The following TAF1D variants were observed in gnomAD, a reference collection of about 807,000 sequenced individuals.
TAF1D encodes the protein TATA box-binding protein-associated factor RNA polymerase I subunit D.
In TAF1D, 23 loss-of-function variants were observed where a neutral mutation model predicts 26.2. The ratio of observed to expected loss-of-function variants is 0.88; its 90% CI spans 0.63 to 1.25. The LOEUF (loss-of-function observed/expected upper bound fraction) is 1.25. Among genes scored for constraint, TAF1D ranks in the 50% most tolerant of loss-of-function variants. The pLI is 0.00. For missense variants in TAF1D, 299 were observed against 322.0 expected, an observed-to-expected ratio of 0.93 and a Z score of 0.55; for synonymous variants, 100 against 105.6, an observed-to-expected ratio of 0.95 and a Z score of 0.33.
chr11:93,737,362 C>T, intron 3 of TAF1D, 123 bp from the exon 4 acceptor site: 1 of 593,254 alleles, frequency 1.7e-6, no homozygotes, highest in Non-Finnish European at 2.9e-6. Context: ...CTTAACTACT[C>T]CCCACTTGTG....
downstream of TAF1D, chr11:93,732,368 T>G (rs1939335294): frequency 3.9e-6 from 2 of 518,718 alleles, no homozygotes; most frequent in Non-Finnish European, 7.7e-6. Flanking sequence ...AAATACTGTA[T>G]CAGTAGAAAT....
At chr11:93,731,432 A>G (rs1271995736), downstream of TAF1D, 9 of 506,234 alleles carry the variant, frequency 1.8e-5, no homozygotes, top group Admixed American at 8.1e-5. Context: ...CTCTATGATC[A>G]TGTTTCTGGT....
chr11:93,735,572 G>A lies in TAF1D; in HGVS notation c.*589C>T, dbSNP rs892261308. Reference sequence around the variant, plus strand: ...TGTAATCCCAGCTACTAAGGAGGCTGAGGCAGAATCGCTTGAACCCGGGAG... The same window carrying A: ...TGTAATCCCAGCTACTAAGGAGGCTAAGGCAGAATCGCTTGAACCCGGGAG... On this transcript the variant is annotated 3_prime_UTR_variant, in exon 6 of 6. Transcript: ENST00000448108. 9.9e-6 allele frequency: 6 copies of A among 604,484 alleles called. No homozygotes were observed. Among genetic ancestry groups the A allele is most frequent in the South Asian group, 6.6e-5 (1 of 15,266 alleles). 37.4% of individuals were successfully genotyped at this position (604,484 alleles called of 1,614,324 possible). A position where few individuals can be genotyped will look rare whatever the true frequency, so the allele number is the denominator to read the frequency against.
At chr11:93,731,085 C>T (rs778702647), downstream of TAF1D, 3 of 518,402 alleles carry the variant, frequency 5.8e-6, no homozygotes, top group Non-Finnish European at 1.2e-5. Flanking sequence ...ATTCTAAAAG[C>T]CTTGGTAATG....
chr11:93,731,768 T>G, downstream of TAF1D: 1 of 350,316 alleles, frequency 2.9e-6, no homozygotes, highest in Non-Finnish European at 5.6e-6. Flanking sequence ...ATCTTTGGGA[T>G]CTAATTTCTT....
rs1274806579 is a variant in TAF1D, at chr11:93,735,592, C to T, written c.*569G>A. 2.1e-5 allele frequency: 15 copies of T among 713,268 alleles called. No individual in the cohort carries two copies. In the East Asian group the frequency reaches 3.9e-4, roughly 18 times the overall value. 44.2% of individuals were successfully genotyped at this position (713,268 alleles called of 1,614,324 possible). A position where few individuals can be genotyped will look rare whatever the true frequency, so the allele number is the denominator to read the frequency against. ...AGGCTGAGGCAGAATCGCTTGAACCCGGGAGATGGAGGTTGCAGTAAGCCA... is the reference window on the plus strand; with the variant it reads ...AGGCTGAGGCAGAATCGCTTGAACCTGGGAGATGGAGGTTGCAGTAAGCCA... On this transcript the variant is annotated 3_prime_UTR_variant, in exon 6 of 6. Transcript: ENST00000448108.
At position 93,741,494 on chromosome 11, in the gene TAF1D, G is replaced by A. The variant is rs764021712; in HGVS notation, c.-200C>T. 7.2e-5 allele frequency: 33 copies of A among 456,014 alleles called. No homozygotes were observed. Among genetic ancestry groups the A allele is most frequent in the Middle Eastern group, 3.2e-4 (1 of 3,098 alleles). The allele number at this position is 456,014 out of a possible 1,614,324, so 28.2% of individuals were successfully genotyped here. A position where few individuals can be genotyped will look rare whatever the true frequency, so the allele number is the denominator to read the frequency against. On this transcript the variant is annotated 5_prime_UTR_variant, in exon 1 of 6. Transcript: ENST00000448108. Reference sequence around the variant, plus strand: ...CCTCCTCCAACCGTGCGGAAGAAAAGGGTTGGCTATTTCCGTGGCCCAAGT... The same window carrying A: ...CCTCCTCCAACCGTGCGGAAGAAAAAGGTTGGCTATTTCCGTGGCCCAAGT...
downstream of TAF1D, chr11:93,733,510 G>A (rs1490624745): frequency 5.8e-6 from 3 of 518,752 alleles, no homozygotes; most frequent in Non-Finnish European, 1.2e-5. Flanking sequence ...ATAGTCCTGT[G>A]AGTAAAGTAA....
rs1486162294 is a variant in TAF1D at position 93,735,761 on chromosome 11, C to T, written c.*400G>A. On this transcript the variant is annotated 3_prime_UTR_variant, in exon 6 of 6. Transcript: ENST00000448108. Reference sequence around the variant, plus strand: ...TGACAGGTCACTTGTCATGGCTGAACAAAGCTGGGATAAAATTACAGCATT... The same window carrying T: ...TGACAGGTCACTTGTCATGGCTGAATAAAGCTGGGATAAAATTACAGCATT... 5.7e-6 allele frequency: 6 copies of T among 1,048,668 alleles called. No individual in the cohort carries two copies. The highest frequency in any genetic ancestry group is 5.7e-6 in the Non-Finnish European group (5 of 869,722). 65.0% of individuals were successfully genotyped at this position (1,048,668 alleles called of 1,614,324 possible).
chr11:93,738,067 T>A (rs1941165811), intron 3 of TAF1D, 42 bp downstream of exon 3: 1 of 1,509,798 alleles, frequency 6.6e-7, no homozygotes, highest in Admixed American at 2.5e-5. Context: ...ATTTTGGGCA[T>A]CTTGAGTTAT....
downstream of TAF1D, chr11:93,731,711 C>T (rs1938951515): frequency 8.2e-6 from 3 of 364,340 alleles, no homozygotes; most frequent in African/African-American, 4.3e-5. Flanking sequence ...TAGTATTCAA[C>T]AAAATAACCT....
chr11:93,741,346 A>C lies in TAF1D; in HGVS notation c.-52T>G, dbSNP rs925210358. The C allele has an allele frequency of 2.4e-5, 11 of 456,124 alleles. No homozygotes were observed. The highest frequency in any genetic ancestry group is 4.8e-5 in the Non-Finnish European group (11 of 226,968). The allele number at this position is 456,124 out of a possible 1,614,324, so 28.3% of individuals were successfully genotyped here. ...CCTAAAACGGCCTCGCAGTGGCCCC[A>C]ACCGCGCACTTGCTGCTTGTAACCC... On this transcript the variant is annotated 5_prime_UTR_variant, in exon 1 of 6. Transcript: ENST00000448108.
At chr11:93,732,791 C>A (rs953717110), downstream of TAF1D, 7 of 229,732 alleles carry the variant, frequency 3.0e-5, no homozygotes, top group Admixed American at 1.6e-4. Context: ...ACACAAAATT[C>A]TTTTTATGTA....
chr11:93,730,745 AT>A (rs1348716613), downstream of TAF1D: 1 of 469,128 alleles, frequency 2.1e-6, no homozygotes, highest in Non-Finnish European at 4.2e-6. Context: ...TAAATTTTAC[AT>A]TTCCAGAGAT....
In TAF1D at chr11:93,738,213, G is replaced by T; in HGVS notation, c.355C>A (p.Leu119Ile). The change falls in exon 3 of 6, where the codon CTA becomes ATA. Residue 119 changes from leucine to isoleucine, a missense_variant. Coordinates refer to ENST00000448108, the MANE Select transcript of TAF1D (RefSeq NM_024116.4). ...CTAAATTGTTTCTTCTTATCTATTA[G>T]TGAGTATATAGGATTTCTCCTTCCT... ...PEGRRNPIYS[L>I]IDKKKQFRSR... 1 of 1,609,636 alleles carries T rather than the reference G, an allele frequency of 6.2e-7. No homozygotes were observed. Among genetic ancestry groups the T allele is most frequent in the South Asian group, 1.1e-5 (1 of 89,342 alleles).
Position 93,738,206 on chromosome 11 carries a change from T to C in TAF1D, c.362A>G (p.Asp121Gly). Residue 121 changes from aspartate to glycine, a missense_variant, in exon 3 of 6, where the codon GAT (aspartate) becomes GGT (glycine). Asp to Gly is a moderately conservative substitution (Grantham distance 94, BLOSUM62 -1). Coordinates refer to ENST00000448108, the MANE Select transcript of TAF1D (RefSeq NM_024116.4). ...GRRNPIYSLI[D>G]KKKQFRSRGS... ...TCTGCTTCTAAATTGTTTCTTCTTA[T>C]CTATTAGTGAGTATATAGGATTTCT... is the stretch of plus-strand genomic sequence containing the variant. 3.7e-6 allele frequency: 6 copies of C among 1,604,466 alleles called. No individual in the cohort carries two copies. The highest frequency in any genetic ancestry group is 5.1e-6 in the Non-Finnish European group (6 of 1,177,836).
At chr11:93,735,176 TTATTTTTTGCACCTATCTG>T (rs1940468566), downstream of TAF1D, 1 of 1,352,030 alleles carries the variant, frequency 7.4e-7, no homozygotes, top group African/African-American at 1.5e-5. Flanking sequence ...AAAAGAGGAT[TTATTTTTTGCACCTATCTG>T]TAAGTCTTTG....
chr11:93,733,325 T>G (rs777941783), downstream of TAF1D: 38 of 519,020 alleles, frequency 7.3e-5, 1 homozygote, highest in South Asian at 5.3e-4. Flanking sequence ...CCCAAAAGAT[T>G]ATACTGTCAC....
chr11:93,730,225 C>T (rs1938257797), exon 12 of TAF1D: 2 of 1,551,138 alleles, frequency 1.3e-6, no homozygotes, highest in Non-Finnish European at 1.7e-6. Context: ...TTTATTCCTT[C>T]CACAGAAAAC....
Sources: allele counts gnomAD v4.1 joint callset, GRCh38; gene constraint gnomAD v4.1.1; transcripts MANE v1.5; gene names NCBI Gene and HGNC (gene_info 2026-07-23, HGNC 2026-07-21).